Variants in TPMT observed in about 807,000 individuals in gnomAD.
TPMT encodes thiopurine S-methyltransferase, also known as S-adenosyl-L-methionine:thiopurine S-methyltransferase.
A neutral mutation model predicts 34.2 loss-of-function variants in TPMT; 18 were observed. That is an observed-to-expected ratio of 0.53 (90% CI 0.36 to 0.78). The LOEUF is 0.78. TPMT is among the 30% of genes least tolerant of loss of function. TPMT has a pLI of 0.00. For missense variants in TPMT, 265 were observed against 288.1 expected, an observed-to-expected ratio of 0.92 and a Z score of 0.58; for synonymous variants, 69 against 92.4, an observed-to-expected ratio of 0.75 and a Z score of 1.45.
rs760980416 is a variant in TPMT at position 18,139,709 on chromosome 6, C to T, written c.375G>A (p.Ser125=). The T allele has an allele frequency of 1.8e-5, 29 of 1,611,078 alleles. No individual in the cohort carries two copies. Among genetic ancestry groups the T allele is most frequent in the African/African-American group, 1.3e-4 (10 of 74,408 alleles). The stretch of plus-strand genomic sequence containing the variant: ...TGCAACAGTACAATGAAATGTTCCC[C>T]GAAGAACTCTGTAATGAAATAATGA... ...IPGTKVFKSS[S]GNISLYCCSI... is the part of the protein sequence containing the mutation. The change falls in exon 5 of 9, where the codon TCG becomes TCA. Residue 125 remains serine, a synonymous_variant. Transcript: ENST00000309983. This position sits in a 1 kb window ranked among gnomAD's most constrained non-coding sequence, Gnocchi z 4.2.
Position 18,131,784 on chromosome 6 carries a change from G to GT in TPMT, c.625+348dup, listed in dbSNP as rs916629865. 7.0e-4 allele frequency among the ~76,000 whole-genome samples: 102 copies of GT among 144,864 alleles called. No homozygotes were observed. The highest frequency in any genetic ancestry group is 9.7e-4 in the Admixed American group (14 of 14,422). On this transcript the variant is annotated intron_variant, in intron 8 of 8. Transcript: ENST00000309983. This position sits in a 1 kb window ranked among gnomAD's most constrained non-coding sequence, Gnocchi z 4.3. The stretch of plus-strand genomic sequence containing the variant: ...CTAATATACTAATAGTTCACAATAG[G>GT]TTTTTTTTTTTTAGATGGAGTCTCA...
At position 18,138,256 on chromosome 6, in the gene TPMT, ATTTT is replaced by A. The variant is rs1292040282; in HGVS notation, c.494+703_494+706del. On this transcript the variant is annotated intron_variant, in intron 6 of 8. Transcript: ENST00000309983. The surrounding 1 kb of genome is among the most constrained non-coding windows in gnomAD (Gnocchi z 4.1). The stretch of plus-strand genomic sequence containing the variant: ...ATGTTAAACCACATGAAATATTTTG[ATTTT>A]TTTGTTTTTTTTTTTTTTTAAATAT... Among the ~76,000 whole-genome samples, 4 of 110,636 alleles carry A rather than the reference ATTTT, an allele frequency of 3.6e-5. No individual in the cohort carries two copies. The highest frequency in any genetic ancestry group is 5.5e-5 in the Non-Finnish European group (3 of 55,024). 72.6% of individuals were successfully genotyped at this position (110,636 alleles called of 152,430 possible).
Position 18,136,093 on chromosome 6 carries a change from CT to C in TPMT, c.495-2205del. 1.3e-5 allele frequency among the ~76,000 whole-genome samples: 2 copies of C among 152,276 alleles called. No homozygotes were observed. Among genetic ancestry groups the C allele is most frequent in the East Asian group, 3.9e-4 (2 of 5,172 alleles). ...TCCGCTCTTGGTCTGCACGTGGTGACTTTTAGTTTGCTTCCCACTGCTTGGT... is the reference window on the plus strand; with the variant it reads ...TCCGCTCTTGGTCTGCACGTGGTGACTTTAGTTTGCTTCCCACTGCTTGGT... On this transcript the variant is annotated intron_variant, in intron 6 of 8. Coordinates refer to ENST00000309983, the MANE Select transcript of TPMT (RefSeq NM_000367.5). The surrounding 1 kb of genome is among the most constrained non-coding windows in gnomAD (Gnocchi z 4.7).
chr6:18,129,098 C>T lies in TPMT; in HGVS notation c.*1570G>A, dbSNP rs1020152826. On this transcript the variant is annotated 3_prime_UTR_variant, in exon 9 of 9. Transcript: ENST00000309983. The stretch of plus-strand genomic sequence containing the variant: ...TACATAAAAGTAAAATCAAAAGTCT[C>T]TGGAGAGAATTGTGTTGGTCCAGCT... 5.9e-5 allele frequency: 9 copies of T among 152,210 alleles called. No individual in the cohort carries two copies. Among genetic ancestry groups the T allele is most frequent in the African/African-American group, 2.2e-4 (9 of 41,450 alleles). 9.4% of individuals were successfully genotyped at this position (152,210 alleles called of 1,614,324 possible).
intron 6 of TPMT, 55 bp from the exon 7 acceptor site, chr6:18,133,944 G>C: frequency 6.8e-7 from 1 of 1,475,590 alleles, no homozygotes; most frequent in Admixed American, 1.7e-5. Context: ...GCAAAGGCTG[G>C]AGGGACAAAA....
Position 18,133,841 on chromosome 6 carries a change from G to C in TPMT, c.543C>G (p.Leu181=). 6.2e-7 allele frequency: 1 copy of C among 1,612,422 alleles called. No individual in the cohort carries two copies. Among genetic ancestry groups the C allele is most frequent in the Non-Finnish European group, 8.5e-7 (1 of 1,179,766 alleles). Residue 181 remains leucine (L), a synonymous_variant, in exon 7 of 9, where the codon CTC becomes CTG. Transcript: ENST00000309983. ...TTGGATCATAAGAAAGAACACACAG[G>C]AGATACTGAAACTTCTTTCCCAGGA... The part of the protein sequence containing the change: ...FSLLGKKFQY[L]LCVLSYDPTK...
At chr6:18,151,722 A>G (rs975055864) in intron 1 of TPMT, among the ~76,000 whole-genome samples, 3 of 151,996 alleles carry the variant, frequency 2.0e-5, no homozygotes, top group African/African-American at 7.2e-5. Context: ...CCTTTAAAGT[A>G]TCTGGGACTG....
In TPMT at chr6:18,146,818, G is replaced by T. The variant is rs1381683661; in HGVS notation, c.233+1005C>A. Among the ~76,000 whole-genome samples, 3 of 152,098 alleles carry T rather than the reference G, an allele frequency of 2.0e-5. No homozygotes were observed. Among genetic ancestry groups the T allele is most frequent in the Non-Finnish European group, 4.4e-5 (3 of 68,028 alleles). ...AAAGGCTCTCAGCTACAGTTGATTG[G>T]TTGCTGGCTGCAAAAATTCTATCAT... On this transcript the variant is annotated intron_variant, in intron 3 of 8. Coordinates refer to ENST00000309983, the MANE Select transcript of TPMT (RefSeq NM_000367.5). The surrounding 1 kb of genome is among the most constrained non-coding windows in gnomAD (Gnocchi z 6.2).
intron 1 of TPMT, among the ~76,000 whole-genome samples, chr6:18,151,184 C>CTTTT (rs55751001): frequency 1.5e-5 from 2 of 130,358 alleles, no homozygotes; most frequent in Non-Finnish European, 3.2e-5. Flanking sequence ...CTTCTTCTCT[C>CTTTT]TTTTTTTTTT....
At position 18,146,680 on chromosome 6, in the gene TPMT, GTAAC is replaced by G. The variant is rs1325473844; in HGVS notation, c.233+1139_233+1142del. On this transcript the variant is annotated intron_variant, in intron 3 of 8. Coordinates refer to ENST00000309983, the MANE Select transcript of TPMT (RefSeq NM_000367.5). This position sits in a 1 kb window ranked among gnomAD's most constrained non-coding sequence, Gnocchi z 6.2. ...ATTTTTTTTGAGGGTAATTTTGAAAGTAACTATCTCTTCTGGCTCAATGAATTGG... is the reference window on the plus strand; with the variant it reads ...ATTTTTTTTGAGGGTAATTTTGAAAGTATCTCTTCTGGCTCAATGAATTGG... Among the ~76,000 whole-genome samples, 1 of 152,128 alleles carries G rather than the reference GTAAC, an allele frequency of 6.6e-6. No individual in the cohort carries two copies. Among genetic ancestry groups the G allele is most frequent in the Non-Finnish European group, 1.5e-5 (1 of 68,036 alleles).
In TPMT at chr6:18,132,024, A is replaced by G; in HGVS notation, c.625+109T>C. 3.4e-6 allele frequency: 4 copies of G among 1,177,622 alleles called. No homozygotes were observed. Among genetic ancestry groups the G allele is most frequent in the Admixed American group, 1.7e-5 (1 of 57,774 alleles). The allele number at this position is 1,177,622 out of a possible 1,614,324, so 72.9% of individuals were successfully genotyped here. On this transcript the variant is annotated intron_variant, in intron 8 of 8. Transcript: ENST00000309983. This position sits in a 1 kb window ranked among gnomAD's most constrained non-coding sequence, Gnocchi z 4.8. The stretch of plus-strand genomic sequence containing the variant: ...ACTCCTGGCCTCAGGTGATCTGCCC[A>G]CCTTGGCCTCCCAAAGTGCTGGAAA...
intron 3 of TPMT, among the ~76,000 whole-genome samples, chr6:18,147,276 CT>C: frequency 6.6e-6 from 1 of 152,092 alleles, no homozygotes; most frequent in Non-Finnish European, 1.5e-5. Flanking sequence ...GTAAAAGTGG[CT>C]TGTTAAAGTG....
chr6:18,152,755 A>G (rs1267466620), intron 1 of TPMT, among the ~76,000 whole-genome samples: 2 of 151,876 alleles, frequency 1.3e-5, no homozygotes, highest in Admixed American at 1.3e-4. Flanking sequence ...ACAACTCTAT[A>G]CCTCCTCTCT....
intron 1 of TPMT, among the ~76,000 whole-genome samples, chr6:18,151,298 T>C (rs1784350371): frequency 6.6e-6 from 1 of 151,146 alleles, no homozygotes; most frequent in African/African-American, 2.4e-5. Flanking sequence ...AGACTCCATC[T>C]CTACAAAAGC....
chr6:18,151,573 G>GATTGATTT lies in TPMT; in HGVS notation c.-44-2403_-44-2402insAAATCAAT, dbSNP rs1415941448. 3.0e-3 allele frequency among the ~76,000 whole-genome samples: 425 copies of GATTGATTT among 143,362 alleles called. 2 individuals carry two copies. Among genetic ancestry groups the GATTGATTT allele is most frequent in the Non-Finnish European group, 4.7e-3 (309 of 65,134 alleles). 94.1% of individuals were successfully genotyped at this position (143,362 alleles called of 152,430 possible). On this transcript the variant is annotated intron_variant, in intron 1 of 8. Coordinates refer to ENST00000309983, the MANE Select transcript of TPMT (RefSeq NM_000367.5). ...TGAGTGGATTTCATTTGGAAACCTA[G>GATTGATTT]ATTTATTTATTTATTTATTTATTTA... is the stretch of plus-strand genomic sequence containing the variant.
At position 18,131,062 on chromosome 6, in the gene TPMT, C is replaced by T. The variant is rs559002149; in HGVS notation, c.626-282G>A. Among the ~76,000 whole-genome samples, 4 of 152,266 alleles carry T rather than the reference C, an allele frequency of 2.6e-5. No individual in the cohort carries two copies. The East Asian group carries it at 5.8e-4, about 22-fold the overall frequency. On this transcript the variant is annotated intron_variant, in intron 8 of 8. Transcript: ENST00000309983. The surrounding 1 kb of genome is among the most constrained non-coding windows in gnomAD (Gnocchi z 4.3). ...TTGAGGCAGGAGAATCGCTTGAACC[C>T]GGGAGATGGAGGTTGCAGTGAGCTG...
In TPMT at chr6:18,131,102, C is replaced by T. The variant is rs1214570173; in HGVS notation, c.626-322G>A. Among the ~76,000 whole-genome samples the T allele has an allele frequency of 6.6e-5, 10 of 152,198 alleles. No homozygotes were observed. The highest frequency in any genetic ancestry group is 3.9e-4 in the East Asian group (2 of 5,156). ...GCAGTGAGCTGAGATTGCACCATCG[C>T]GCTCTAGCCTAGGCAACAAGAGCGA... On this transcript the variant is annotated intron_variant, in intron 8 of 8. Transcript: ENST00000309983. This position sits in a 1 kb window ranked among gnomAD's most constrained non-coding sequence, Gnocchi z 4.3.
intron 4 of TPMT, among the ~76,000 whole-genome samples, chr6:18,141,766 C>G (rs1445866028): frequency 6.6e-6 from 1 of 152,196 alleles, no homozygotes; most frequent in African/African-American, 2.4e-5. Flanking sequence ...GAAGAAATTA[C>G]TAAGGCAGAT....
At position 18,138,282 on chromosome 6, in the gene TPMT, A is replaced by C. The variant is rs62395734; in HGVS notation, c.494+681T>G. Among the ~76,000 whole-genome samples the C allele has an allele frequency of 2.1e-5, 3 of 144,666 alleles. No homozygotes were observed. Among genetic ancestry groups the C allele is most frequent in the African/African-American group, 7.7e-5 (3 of 38,828 alleles). 94.9% of individuals were successfully genotyped at this position (144,666 alleles called of 152,430 possible). On this transcript the variant is annotated intron_variant, in intron 6 of 8. Transcript: ENST00000309983. The surrounding 1 kb of genome is among the most constrained non-coding windows in gnomAD (Gnocchi z 4.1). The stretch of plus-strand genomic sequence containing the variant: ...TTTTTTTGTTTTTTTTTTTTTTTAA[A>C]TATTTTACAGACAAGGTCTTGCTCT...
Sources: allele counts gnomAD v4.1 joint callset (sites outside exome capture counted in the v4.1 genomes callset), GRCh38; gene constraint gnomAD v4.1.1; non-coding constraint Gnocchi (gnomAD v3.1); transcripts MANE v1.5; gene names NCBI Gene and HGNC (gene_info 2026-07-23, HGNC 2026-07-21).